CRADD: variants seen among roughly 807,000 people sequenced by gnomAD.
The protein encoded by CRADD is CARD and death domain containing adaptor protein, also known as death domain-containing protein CRADD.
Under a neutral mutation model 15.5 loss-of-function variants are expected in CRADD, and 9 were observed. The observed-to-expected ratio is 0.58, with a 90% CI of 0.35 to 1.01. The LOEUF (loss-of-function observed/expected upper bound fraction) is 1.01. Ranked by LOEUF, CRADD falls within the 50% of genes least tolerant of loss-of-function variation. CRADD has a pLI of 0.02. For missense variants in CRADD, 227 were observed against 250.3 expected (o/e 0.91, Z 0.63); for synonymous variants, 118 against 107.6 (o/e 1.10, Z -0.60).
chr12:93,823,932 A>G (rs1379904462), intron 2 of CRADD, among the ~76,000 whole-genome samples: 1 of 152,228 alleles, frequency 6.6e-6, no homozygotes, highest in African/African-American at 2.4e-5. Flanking sequence ...CTACAGTTGA[A>G]GCAGCTTGGG....
chr12:93,745,238 A>T (rs979269394), intron 2 of CRADD, among the ~76,000 whole-genome samples: 1 of 152,118 alleles, frequency 6.6e-6, no homozygotes, highest in African/African-American at 2.4e-5. Context: ...TTAAATTCTA[A>T]TTTTTCTCAT....
intron 2 of CRADD, among the ~76,000 whole-genome samples, chr12:93,844,069 A>G (rs1031954122): frequency 2.6e-5 from 4 of 152,196 alleles, no homozygotes; most frequent in African/African-American, 9.7e-5. Context: ...TTGTCATTCT[A>G]TATCTGCATT....
intron 2 of CRADD, among the ~76,000 whole-genome samples, chr12:93,740,327 TTTTTCA>T (rs1956647103): frequency 6.6e-6 from 1 of 152,162 alleles, no homozygotes; most frequent in Non-Finnish European, 1.5e-5. Flanking sequence ...AATATTTCTC[TTTTTCA>T]TTAACATTTC....
At chr12:93,819,241 C>T (rs1229693702) in intron 2 of CRADD, among the ~76,000 whole-genome samples, 1 of 152,184 alleles carries the variant, frequency 6.6e-6, no homozygotes, top group East Asian at 1.9e-4. Flanking sequence ...GCCCTTCATC[C>T]AGAAGAGAAG....
chr12:93,871,690 T>C (rs922554702), intron 2 of CRADD, among the ~76,000 whole-genome samples: 6 of 152,204 alleles, frequency 3.9e-5, no homozygotes, highest in African/African-American at 1.4e-4. Context: ...GTCTGGCTTA[T>C]TTCACTTCAT....
Position 93,721,834 on chromosome 12 carries a change from A to G in CRADD, c.298+42762A>G, listed in dbSNP as rs1187291563. Among the ~76,000 whole-genome samples the G allele has an allele frequency of 2.0e-5, 3 of 152,200 alleles. No homozygotes were observed. The South Asian group carries it at 6.2e-4, about 31-fold the overall frequency. ...TGTACACATAAGCATACATAACCAA[A>G]TACATTGTTGCCATTATTATTTTGA... On this transcript the variant is annotated intron_variant, in intron 2 of 2. Transcript: ENST00000332896.
At chr12:93,804,541 G>A (rs1002428883) in intron 2 of CRADD, among the ~76,000 whole-genome samples, 20 of 152,032 alleles carry the variant, frequency 1.3e-4, no homozygotes, top group Non-Finnish European at 1.9e-4. Flanking sequence ...AATGTAGTGC[G>A]GGGTGTCTGC....
At chr12:93,874,634 C>T (rs1261838953) in intron 2 of CRADD, among the ~76,000 whole-genome samples, 1 of 151,896 alleles carries the variant, frequency 6.6e-6, no homozygotes, top group Non-Finnish European at 1.5e-5. Flanking sequence ...CCATTTCTTT[C>T]AAGAAATTTT....
chr12:93,704,880 C>T (rs1483168334), intron 2 of CRADD, among the ~76,000 whole-genome samples: 1 of 152,202 alleles, frequency 6.6e-6, no homozygotes, highest in Non-Finnish European at 1.5e-5. Flanking sequence ...CCTAGCCGTT[C>T]TCTGTGCCTG....
At chr12:93,829,613 TG>T (rs2137028161) in intron 2 of CRADD, among the ~76,000 whole-genome samples, 1 of 152,360 alleles carries the variant, frequency 6.6e-6, no homozygotes, top group African/African-American at 2.4e-5. Flanking sequence ...GCTACCACTG[TG>T]CAGCCTCTGA....
intron 2 of CRADD, among the ~76,000 whole-genome samples, chr12:93,828,558 G>C (rs1957853300): frequency 6.6e-6 from 1 of 152,240 alleles, no homozygotes; most frequent in African/African-American, 2.4e-5. Flanking sequence ...TGTGCGTATG[G>C]AGAGTCAGTT....
intron 2 of CRADD, among the ~76,000 whole-genome samples, chr12:93,863,287 C>T (rs1038903725): frequency 6.6e-6 from 1 of 152,164 alleles, no homozygotes; most frequent in Non-Finnish European, 1.5e-5. Context: ...CAGGAAAGTT[C>T]TGTCTATAGC....
At chr12:93,855,154 C>T (rs566049490), downstream of CRADD, among the ~76,000 whole-genome samples, 55 of 152,124 alleles carry the variant, frequency 3.6e-4, no homozygotes, top group South Asian at 4.8e-3. Flanking sequence ...AAGATCGCGC[C>T]ACTTCACTCG....
chr12:93,879,305 A>ATTT (rs1958478955), intron 2 of CRADD, among the ~76,000 whole-genome samples: 1 of 152,134 alleles, frequency 6.6e-6, no homozygotes, highest in Admixed American at 6.5e-5. Flanking sequence ...AAGCTTAATA[A>ATTT]AATTACTTGA....
chr12:93,782,259 G>A (rs1286235197), intron 2 of CRADD, among the ~76,000 whole-genome samples: 4 of 150,080 alleles, frequency 2.7e-5, no homozygotes, highest in African/African-American at 9.8e-5. Flanking sequence ...ACCAAACACT[G>A]CATGTTCTCA....
At chr12:93,763,602 A>AT (rs1264517810) in intron 2 of CRADD, among the ~76,000 whole-genome samples, 8 of 150,910 alleles carry the variant, frequency 5.3e-5, no homozygotes, top group African/African-American at 7.3e-5. Flanking sequence ...ATTCCTCTTC[A>AT]TTTTTTTTTC....
intron 2 of CRADD, among the ~76,000 whole-genome samples, chr12:93,782,594 GA>G (rs77333769): frequency 0.022 from 2,501 of 114,922 alleles, 42 homozygotes; most frequent in African/African-American, 0.06. Context: ...TCCGTCTCAG[GA>G]AAAAAAAAAA....
chr12:93,838,374 CT>C (rs1469070343), intron 2 of CRADD, among the ~76,000 whole-genome samples: 1 of 151,910 alleles, frequency 6.6e-6, no homozygotes, highest in Non-Finnish European at 1.5e-5. Flanking sequence ...CGCCCTACCC[CT>C]GACCTCCTCC....
intron 2 of CRADD, among the ~76,000 whole-genome samples, chr12:93,822,781 T>G (rs1426803063): frequency 1.3e-5 from 2 of 152,232 alleles, no homozygotes; most frequent in African/African-American, 4.8e-5. Flanking sequence ...TCTGCATATA[T>G]TAACACTCTG....
Sources: gnomAD v4.1 joint callset for allele counts (sites outside exome capture counted in the v4.1 genomes callset) on GRCh38, gnomAD v4.1.1 for gene constraint, MANE v1.5 for transcripts, NCBI Gene and HGNC (gene_info 2026-07-23, HGNC 2026-07-21) for gene names.